PAPPA: variants seen among roughly 807,000 people sequenced by gnomAD.
The protein encoded by PAPPA is pappalysin 1.
PAPPA carries 60 observed loss-of-function variants against 164.0 expected under a neutral mutation model. The observed-to-expected ratio is 0.37, with a 90% CI of 0.30 to 0.45. The LOEUF is 0.45. Ranked by LOEUF, PAPPA falls within the 20% of genes least tolerant of loss-of-function variation. PAPPA has a pLI of 1.00. For missense variants in PAPPA, 1,782 were observed against 2,087.3 expected (o/e 0.85, Z 2.85); for synonymous variants, 875 against 814.1 (o/e 1.07, Z -1.27).
chr9:116,164,919 T>C lies in PAPPA; in HGVS notation c.415+10332T>C, dbSNP rs149323411. Among the ~76,000 whole-genome samples the C allele has an allele frequency of 2.4e-3, 359 of 152,240 alleles. 2 individuals carry two copies. Among genetic ancestry groups the C allele is most frequent in the African/African-American group, 8.5e-3 (351 of 41,530 alleles). ...TTCATTTAAGTCCAAAGAAACAAGG[T>C]GTGTCAAAGTCCAAGGACTCATCCA... On this transcript the variant is annotated intron_variant, in intron 1 of 21. Coordinates refer to ENST00000328252, the MANE Select transcript of PAPPA (RefSeq NM_002581.5).
intron 1 of PAPPA, among the ~76,000 whole-genome samples, chr9:116,180,287 T>G (rs1017153121): frequency 2.6e-5 from 4 of 151,748 alleles, no homozygotes; most frequent in Non-Finnish European, 5.9e-5. Context: ...GCCTTCATGG[T>G]GGATTGAGAG....
At position 116,332,357 on chromosome 9, in the gene PAPPA, G is replaced by A; in HGVS notation, c.3286G>A (p.Ala1096Thr). The part of the protein sequence containing the change: ...LRAYFSQPMV[A>T]AAVIVHLVTD... The stretch of plus-strand genomic sequence containing the variant: ...GGCGTATTTTTCTCAACCAATGGTT[G>A]CCGCAGCTGTCATTGTCCACCTGGT... The change falls in exon 12 of 22, where the codon GCC becomes ACC. Residue 1096 changes from alanine to threonine, a missense_variant. Ala to Thr is a moderately conservative substitution (Grantham distance 58). Around this residue, in one of 2 missense-constraint regions of PAPPA, gnomAD observed 1,324 missense variants for 1,656.9 expected, o/e 0.80. Transcript: ENST00000328252. The A allele has an allele frequency of 6.2e-7, 1 of 1,613,730 alleles. No individual in the cohort carries two copies. The highest frequency in any genetic ancestry group is 8.5e-7 in the Non-Finnish European group (1 of 1,179,676).
rs1389591347 is a variant in PAPPA at position 116,202,175 on chromosome 9, C to CT, written c.1479-5275dup. On this transcript the variant is annotated intron_variant, in intron 2 of 21. Coordinates refer to ENST00000328252, the MANE Select transcript of PAPPA (RefSeq NM_002581.5). ...ACAGGTGAAAACAGGCCTTCTCACA[C>CT]TTTTTTCCCATGATTTTATTTAACG... 3.9e-5 allele frequency among the ~76,000 whole-genome samples: 6 copies of CT among 152,268 alleles called. No individual in the cohort carries two copies. In the East Asian group the frequency reaches 9.6e-4, roughly 24 times the overall value.
intron 2 of PAPPA, among the ~76,000 whole-genome samples, chr9:116,205,981 G>C (rs1190219775): frequency 6.6e-6 from 1 of 152,166 alleles, no homozygotes; most frequent in Non-Finnish European, 1.5e-5. Context: ...TGAGACATGT[G>C]TACCTAGCAC....
chr9:116,170,016 G>C (rs1462066714), intron 1 of PAPPA, among the ~76,000 whole-genome samples: 1 of 152,060 alleles, frequency 6.6e-6, no homozygotes, highest in Non-Finnish European at 1.5e-5. Flanking sequence ...ACGAGGATAG[G>C]GGAGTTTTTG....
At chr9:116,368,528 G>T (rs1846531851) in intron 19 of PAPPA, among the ~76,000 whole-genome samples, 1 of 152,194 alleles carries the variant, frequency 6.6e-6, no homozygotes, top group Non-Finnish European at 1.5e-5. Context: ...TCAGGGCAGT[G>T]TCAGTTTGAC....
intron 2 of PAPPA, 40 bp from the exon 3 acceptor site, chr9:116,207,416 T>A: frequency 6.3e-7 from 1 of 1,575,084 alleles, no homozygotes; most frequent in South Asian, 1.2e-5. Flanking sequence ...GTTATCTTTT[T>A]GGGGGCATGA....
intron 3 of PAPPA, among the ~76,000 whole-genome samples, chr9:116,209,393 A>T (rs1182984561): frequency 6.6e-6 from 1 of 152,178 alleles, no homozygotes; most frequent in Non-Finnish European, 1.5e-5. Context: ...GATCCTTCTC[A>T]GTTCTGAAAT....
At chr9:116,394,407 T>C (rs1846934647) in intron 21 of PAPPA, among the ~76,000 whole-genome samples, 1 of 152,168 alleles carries the variant, frequency 6.6e-6, no homozygotes, top group African/African-American at 2.4e-5. Context: ...CCTAAGATCA[T>C]GACAGTGGAG....
At chr9:116,331,399 G>A in intron 11 of PAPPA, 42 bp downstream of exon 11, 1 of 1,221,574 alleles carries the variant, frequency 8.2e-7, no homozygotes, top group Middle Eastern at 1.9e-4. Context: ...CCAGCAGCGA[G>A]CCACAGAAAA....
chr9:116,360,915 T>C (rs1315124343), intron 17 of PAPPA, among the ~76,000 whole-genome samples: 7 of 152,160 alleles, frequency 4.6e-5, no homozygotes, highest in Non-Finnish European at 1.0e-4. Context: ...ATTCAGGTAG[T>C]GCCCCATGCA....
chr9:116,212,190 C>T (rs769120810), intron 4 of PAPPA, among the ~76,000 whole-genome samples: 2 of 152,142 alleles, frequency 1.3e-5, no homozygotes, highest in Non-Finnish European at 2.9e-5. Flanking sequence ...GGTTGTTGAA[C>T]CTTTTTTATT....
intron 9 of PAPPA, among the ~76,000 whole-genome samples, chr9:116,290,496 C>T (rs773674214): frequency 5.3e-5 from 8 of 151,940 alleles, no homozygotes; most frequent in Non-Finnish European, 7.4e-5. Context: ...TGATTTAACT[C>T]TTATTCTATA....
At chr9:116,361,146 AG>A (rs2118624377) in intron 17 of PAPPA, among the ~76,000 whole-genome samples, 1 of 152,324 alleles carries the variant, frequency 6.6e-6, no homozygotes, top group African/African-American at 2.4e-5. Flanking sequence ...TAAGGCTGGG[AG>A]GGCTCTGGAG....
Position 116,362,754 on chromosome 9 carries a change from A to G in PAPPA, c.4495+15A>G. 6.2e-7 allele frequency: 1 copy of G among 1,608,338 alleles called. No individual in the cohort carries two copies. The highest frequency in any genetic ancestry group is 8.5e-7 in the Non-Finnish European group (1 of 1,176,868). ...CTATGCCATAGGTATGATGGGCCCGAGAGGGGAGCAGTAGGAGGGGCAATT... is the reference window on the plus strand; with the variant it reads ...CTATGCCATAGGTATGATGGGCCCGGGAGGGGAGCAGTAGGAGGGGCAATT... On this transcript the variant is annotated intron_variant, in intron 18 of 21. Transcript: ENST00000328252.
At chr9:116,382,974 T>C (rs1252185935) in intron 21 of PAPPA, among the ~76,000 whole-genome samples, 1 of 152,154 alleles carries the variant, frequency 6.6e-6, no homozygotes, top group Admixed American at 6.5e-5. Flanking sequence ...CAGAAAATAG[T>C]ACATCCCTAA....
At chr9:116,308,693 G>A in intron 10 of PAPPA, among the ~76,000 whole-genome samples, 1 of 152,156 alleles carries the variant, frequency 6.6e-6, no homozygotes. Context: ...ACGTATTTAA[G>A]GAACACCGGG....
intron 7 of PAPPA, among the ~76,000 whole-genome samples, chr9:116,259,348 CAT>C (rs1247591084): frequency 2.6e-5 from 4 of 151,682 alleles, no homozygotes; most frequent in Admixed American, 1.3e-4. Context: ...GCAGCATAAA[CAT>C]AATGAAAAAT....
chr9:116,170,150 A>G (rs1285823296), intron 1 of PAPPA, among the ~76,000 whole-genome samples: 3 of 152,046 alleles, frequency 2.0e-5, no homozygotes, highest in African/African-American at 7.2e-5. Flanking sequence ...ATGTCCCCCA[A>G]ATGGTGACTT....
Sources: gnomAD v4.1 joint callset for allele counts (sites outside exome capture counted in the v4.1 genomes callset) on GRCh38, gnomAD v4.1.1 for gene constraint, gnomAD v4.1.1 regional missense constraint, MANE v1.5 for transcripts, NCBI Gene and HGNC (gene_info 2026-07-23, HGNC 2026-07-21) for gene names.